WDFY1: variants seen among roughly 807,000 people sequenced by gnomAD.
The protein encoded by WDFY1 is WD repeat and FYVE domain-containing protein 1.
In WDFY1, 32 loss-of-function variants were observed where a neutral mutation model predicts 56.4. The ratio of observed to expected loss-of-function variants is 0.57; its 90% CI spans 0.43 to 0.76. The LOEUF is 0.76. WDFY1 is among the 30% of genes least tolerant of loss of function. The probability of loss-of-function intolerance (pLI) is 0.00; values close to 1 mark genes in which losing one functional copy is unlikely to be tolerated. For synonymous variants in WDFY1, 192 were observed against 197.3 expected, an observed-to-expected ratio of 0.97 and a Z score of 0.23; for missense variants, 480 against 545.7, an observed-to-expected ratio of 0.88 and a Z score of 1.20.
In WDFY1 at chr2:223,903,675, G is replaced by A. The variant is rs369053091; in HGVS notation, c.334+2272C>T. Among the ~76,000 whole-genome samples the A allele has an allele frequency of 1.4e-4, 20 of 146,582 alleles. No homozygotes were observed. In the South Asian group the frequency reaches 3.9e-3, roughly 28 times the overall value. ...TTTTTTTTTTTTAAAAAAAGGGACA[G>A]GATCTCACTCTGTTGCCCAGGCTGG... On this transcript the variant is annotated intron_variant, in intron 4 of 11. Coordinates refer to ENST00000233055, the MANE Select transcript of WDFY1 (RefSeq NM_020830.5).
intron 6 of WDFY1, among the ~76,000 whole-genome samples, chr2:223,897,159 G>A (rs1042467097): frequency 2.0e-5 from 3 of 151,676 alleles, no homozygotes; most frequent in Admixed American, 1.3e-4. Flanking sequence ...CAACTGAAAC[G>A]CTTACTATGG....
intron 8 of WDFY1, among the ~76,000 whole-genome samples, chr2:223,891,259 T>A (rs952921219): frequency 6.6e-6 from 1 of 151,626 alleles, no homozygotes; most frequent in African/African-American, 2.4e-5. Flanking sequence ...GGCATAAGCC[T>A]GTCACCCCAG....
chr2:223,918,476 A>AAAC (rs1462844632), intron 1 of WDFY1, among the ~76,000 whole-genome samples: 1 of 152,046 alleles, frequency 6.6e-6, no homozygotes, highest in Non-Finnish European at 1.5e-5. Context: ...AAAATACAAA[A>AAAC]AACATTTAAC....
intron 1 of WDFY1, among the ~76,000 whole-genome samples, chr2:223,922,829 T>C (rs1693908225): frequency 6.6e-6 from 1 of 152,198 alleles, no homozygotes; most frequent in African/African-American, 2.4e-5. Flanking sequence ...AATGTTAATT[T>C]CATACAGCTT....
intron 4 of WDFY1, 74 bp downstream of exon 4, chr2:223,905,873 T>C: frequency 9.3e-7 from 1 of 1,079,864 alleles, no homozygotes; most frequent in South Asian, 2.4e-5. Flanking sequence ...CTAATTTTCA[T>C]CATAAGAGAT....
chr2:223,929,015 G>A (rs1694031148), intron 1 of WDFY1, among the ~76,000 whole-genome samples: 1 of 152,190 alleles, frequency 6.6e-6, no homozygotes, highest in Non-Finnish European at 1.5e-5. Context: ...GCAGTGAGCA[G>A]AAGGCAGAGC....
At position 223,905,957 on chromosome 2, in the gene WDFY1, C is replaced by A; in HGVS notation, c.324G>T (p.Lys108Asn). Residue 108 changes from lysine (K) to asparagine (N), a missense_variant, in exon 4 of 12, where the codon AAG (lysine) becomes AAT (asparagine). Transcript: ENST00000233055. The stretch of plus-strand genomic sequence containing the variant: ...GTGTATTATAATTACCTGGGTAGGT[C>A]TTGATAAAGTTCATTTTATTAAAAT... ...SEDFNKMNFIKTYPAHQNRVS... is the reference protein window; with the variant it reads ...SEDFNKMNFINTYPAHQNRVS... 6.3e-7 allele frequency: 1 copy of A among 1,576,136 alleles called. No individual in the cohort carries two copies. Among genetic ancestry groups the A allele is most frequent in the Non-Finnish European group, 8.6e-7 (1 of 1,163,264 alleles).
chr2:223,912,269 T>C lies in WDFY1; in HGVS notation c.263A>G (p.Asp88Gly), dbSNP rs747125789. 1 of 1,610,698 alleles carries C rather than the reference T, an allele frequency of 6.2e-7. No homozygotes were observed. Among genetic ancestry groups the C allele is most frequent in the Non-Finnish European group, 8.5e-7 (1 of 1,179,094 alleles). The change falls in exon 3 of 12, where the codon GAT (aspartate) becomes GGT (glycine). Residue 88 changes from aspartate (D) to glycine (G), a missense_variant. Physicochemically the swap from Asp to Gly is moderately conservative, Grantham distance 94. Coordinates refer to ENST00000233055, the MANE Select transcript of WDFY1 (RefSeq NM_020830.5). ...GCTACCTACCATTACAGCTCCATTATCCTGGCCCACAAATATCCGTCTGCT... is the reference window on the plus strand; with the variant it reads ...GCTACCTACCATTACAGCTCCATTACCCTGGCCCACAAATATCCGTCTGCT... ...HDSRRIFVGQDNGAVMEFHVS... is the reference protein window; with the variant it reads ...HDSRRIFVGQGNGAVMEFHVS...
rs559372756 is a variant in WDFY1 at position 223,877,895 on chromosome 2, G to A, written c.*776C>T. ...ACTAATGGCAATGAGAAAAAGTCAG[G>A]CGGCTTGTGTGACTCCCATGTTAAC... On this transcript the variant is annotated 3_prime_UTR_variant, in exon 12 of 12. Transcript: ENST00000233055. 3.3e-5 allele frequency: 5 copies of A among 152,704 alleles called. No homozygotes were observed. Among genetic ancestry groups the A allele is most frequent in the Admixed American group, 3.3e-4 (5 of 15,288 alleles). 9.5% of individuals were successfully genotyped at this position (152,704 alleles called of 1,614,324 possible). A position where few individuals can be genotyped will look rare whatever the true frequency, so the allele number is the denominator to read the frequency against.
intron 10 of WDFY1, among the ~76,000 whole-genome samples, chr2:223,881,048 T>C (rs1693061892): frequency 6.6e-6 from 1 of 152,194 alleles, no homozygotes; most frequent in Non-Finnish European, 1.5e-5. Context: ...TCTGCTGCTT[T>C]AAAAGATGAT....
At chr2:223,931,997 A>ATT (rs1273223703) in intron 1 of WDFY1, among the ~76,000 whole-genome samples, 1 of 144,156 alleles carries the variant, frequency 6.9e-6, no homozygotes, top group African/African-American at 2.5e-5. Flanking sequence ...AATTGGTCTA[A>ATT]TTTTTTTTTT....
chr2:223,926,540 G>A (rs1417882677), intron 1 of WDFY1, among the ~76,000 whole-genome samples: 1 of 152,090 alleles, frequency 6.6e-6, no homozygotes, highest in Non-Finnish European at 1.5e-5. Context: ...TTAATCTCAT[G>A]GTATGTCTCC....
intron 4 of WDFY1, among the ~76,000 whole-genome samples, chr2:223,903,643 TTTTTG>T (rs1319703048): frequency 5.9e-4 from 11 of 18,578 alleles, no homozygotes; most frequent in South Asian, 3.0e-3. Flanking sequence ...ACACACACGT[TTTTTG>T]TTTTTTTTTT....
In WDFY1 at chr2:223,896,155, C is replaced by CAAAAAAA. The variant is rs71058956; in HGVS notation, c.599-532_599-526dup. ...TGGGTGACAGAGTGAGACTCTGTCT[C>CAAAAAAA]AAAAAAAAAAAAAAAAAAAAAAAAA... is the stretch of plus-strand genomic sequence containing the variant. On this transcript the variant is annotated intron_variant, in intron 6 of 11. Transcript: ENST00000233055. 2.9e-3 allele frequency among the ~76,000 whole-genome samples: 115 copies of CAAAAAAA among 39,822 alleles called. 11 individuals carry two copies. The highest frequency in any genetic ancestry group is 8.9e-3 in the African/African-American group (84 of 9,470). 26.1% of individuals were successfully genotyped at this position (39,822 alleles called of 152,430 possible).
intron 1 of WDFY1, among the ~76,000 whole-genome samples, chr2:223,930,270 C>T (rs10933024): frequency 0.86 from 131,604 of 152,258 alleles, 57,356 homozygotes; most frequent in Non-Finnish European, 0.93. Flanking sequence ...CCTGCATCCA[C>T]GCTCCTTACA....
chr2:223,895,587 G>A lies in WDFY1; in HGVS notation c.642C>T (p.Leu214=), dbSNP rs1243004324. The A allele has an allele frequency of 1.9e-6, 3 of 1,613,998 alleles. No individual in the cohort carries two copies. The highest frequency in any genetic ancestry group is 8.5e-7 in the Non-Finnish European group (1 of 1,179,954). The part of the protein sequence containing the change: ...CLWWDPIQRL[L]FSGASDNSII... ...TGCTGTTGTCAGATGCTCCTGAGAA[G>A]AGTAACCGCTGAATAGGGTCCCACC... The change falls in exon 7 of 12, where the codon CTC becomes CTT. Residue 214 remains leucine (L), a synonymous_variant. Coordinates refer to ENST00000233055, the MANE Select transcript of WDFY1 (RefSeq NM_020830.5).
chr2:223,937,099 G>T lies in WDFY1; in HGVS notation c.137+8049C>A, dbSNP rs1694178482. Among the ~76,000 whole-genome samples, 3 of 152,196 alleles carry T rather than the reference G, an allele frequency of 2.0e-5. No individual in the cohort carries two copies. The South Asian group carries it at 6.2e-4, about 31-fold the overall frequency. On this transcript the variant is annotated intron_variant, in intron 1 of 11. Transcript: ENST00000233055. ...AGGATCTCAAATATAGCAGGGGAAA[G>T]ATGTCTAAGTGAAACTAATCACTGA...
At chr2:223,941,900 T>C (rs1333563256) in intron 1 of WDFY1, among the ~76,000 whole-genome samples, 1 of 152,306 alleles carries the variant, frequency 6.6e-6, no homozygotes. Context: ...GTGCTTTCAT[T>C]ACATCTCATG....
intron 4 of WDFY1, among the ~76,000 whole-genome samples, chr2:223,903,430 G>A (rs868129300): frequency 6.6e-6 from 1 of 151,954 alleles, no homozygotes; most frequent in South Asian, 2.1e-4. Context: ...GGCTGAGGCA[G>A]GAGAATTGAC....
Sources: allele counts gnomAD v4.1 joint callset (sites outside exome capture counted in the v4.1 genomes callset), GRCh38; gene constraint gnomAD v4.1.1; transcripts MANE v1.5; gene names NCBI Gene and HGNC (gene_info 2026-07-23, HGNC 2026-07-21).